Variants in GJC1 observed in about 807,000 individuals in gnomAD.
The protein encoded by GJC1 is gap junction protein gamma 1, also known as gap junction gamma-1 protein.
GJC1 carries 5 observed loss-of-function variants against 29.3 expected under a neutral mutation model. The observed-to-expected ratio is 0.17, with a 90% CI of 0.09 to 0.36. The LOEUF is 0.36. GJC1 is among the 10% of genes least tolerant of loss of function. GJC1 has a pLI of 1.00. For synonymous variants in GJC1, 177 were observed against 183.3 expected (o/e 0.97, Z 0.28); for missense variants, 310 against 496.2 (o/e 0.62, Z 3.56).
chr17:44,824,829 TA>T (rs913776517), intron 1 of GJC1, among the ~76,000 whole-genome samples: 4 of 124,312 alleles, frequency 3.2e-5, no homozygotes, highest in Non-Finnish European at 5.1e-5. Flanking sequence ...AAAAAAAAAT[TA>T]GTCAAGTGCA....
At chr17:44,809,416 G>C (rs2049947921) in intron 1 of GJC1, among the ~76,000 whole-genome samples, 1 of 152,062 alleles carries the variant, frequency 6.6e-6, no homozygotes, top group East Asian at 1.9e-4. Flanking sequence ...TTCCAACATA[G>C]AACTCCATGA....
chr17:44,804,408 G>C lies in GJC1; in HGVS notation c.*219C>G, dbSNP rs58726219. ...CTGGAAGACACAAATGTAAAGTTCT[G>C]CAACTGTATTATTGCTAAGAACATG... On this transcript the variant is annotated 3_prime_UTR_variant, in exon 3 of 3. Coordinates refer to ENST00000592524, the MANE Select transcript of GJC1 (RefSeq NM_005497.4). 1 of 506,528 alleles carries C rather than the reference G, an allele frequency of 2.0e-6. No individual in the cohort carries two copies. The highest frequency in any genetic ancestry group is 3.6e-5 in the Admixed American group (1 of 27,882). The allele number at this position is 506,528 out of a possible 1,614,324, so 31.4% of individuals were successfully genotyped here.
intron 1 of GJC1, among the ~76,000 whole-genome samples, chr17:44,816,436 TAG>T (rs1185479350): frequency 6.6e-6 from 1 of 152,186 alleles, no homozygotes; most frequent in African/African-American, 2.4e-5. Flanking sequence ...GAGTTTTCTA[TAG>T]GTTATATCCA....
In GJC1 at chr17:44,805,122, A is replaced by C. The variant is rs776349150; in HGVS notation, c.696T>G (p.Leu232=). Residue 232 remains leucine, a synonymous_variant, in exon 3 of 3, where the codon CTT becomes CTG. Coordinates refer to ENST00000592524, the MANE Select transcript of GJC1 (RefSeq NM_005497.4). The surrounding 1 kb of genome is among the most constrained non-coding windows in gnomAD (Gnocchi z 5.1). ...GGCCTGTAACACCATACATTATCAG[A>C]AGGAAGATGGTCTTTTCAGTGGGTC... ...ISRPTEKTIF[L]LIMYGVTGLC... is the part of the protein sequence containing the mutation. 2 of 1,614,138 alleles carry C rather than the reference A, an allele frequency of 1.2e-6. No homozygotes were observed. The highest frequency in any genetic ancestry group is 3.3e-5 in the Admixed American group (2 of 60,016).
In GJC1 at chr17:44,820,318, G is replaced by A. The variant is rs149301406; in HGVS notation, c.-97+9744C>T. Among the ~76,000 whole-genome samples the A allele has an allele frequency of 2.4e-3, 370 of 152,218 alleles. 1 individual carries two copies. The highest frequency in any genetic ancestry group is 8.2e-3 in the African/African-American group (341 of 41,548). On this transcript the variant is annotated intron_variant, in intron 1 of 2. Transcript: ENST00000592524. The stretch of plus-strand genomic sequence containing the variant: ...AACTAAGCAAGCAATGGACTAGAAG[G>A]CAAGAGATTCTAATCCCAGAATATA...
chr17:44,804,968 G>C lies in GJC1; in HGVS notation c.850C>G (p.Pro284Ala). Reference sequence around the variant, plus strand: ...ATGTTATAGCCAGGGGGAGCAGATGGTGTATTCCAAGTGAAAGGATAATTA... The same window carrying C: ...ATGTTATAGCCAGGGGGAGCAGATGCTGTATTCCAAGTGAAAGGATAATTA... The part of the protein sequence containing the change: ...AYNYPFTWNT[P>A]SAPPGYNIAV... Residue 284 changes from proline to alanine, a missense_variant, in exon 3 of 3, where the codon CCA becomes GCA. Around this residue, in one of 4 missense-constraint regions of GJC1, gnomAD observed 146 missense variants for 165.0 expected, o/e 0.88. Transcript: ENST00000592524. 1 of 1,614,050 alleles carries C rather than the reference G, an allele frequency of 6.2e-7. No homozygotes were observed. Among genetic ancestry groups the C allele is most frequent in the East Asian group, 2.2e-5 (1 of 44,880 alleles).
chr17:44,815,290 C>T (rs1244378517), intron 1 of GJC1, among the ~76,000 whole-genome samples: 2 of 152,122 alleles, frequency 1.3e-5, no homozygotes, highest in Non-Finnish European at 2.9e-5. Flanking sequence ...AGTGATTCTC[C>T]CACCTCAGCC....
At chr17:44,825,320 C>G (rs2050161859) in intron 1 of GJC1, among the ~76,000 whole-genome samples, 1 of 151,420 alleles carries the variant, frequency 6.6e-6, no homozygotes, top group South Asian at 2.1e-4. Flanking sequence ...ATGGAGAAAC[C>G]CTGTCTCTAC....
At chr17:44,830,534 T>G (rs1207521987), upstream of GJC1, 5 of 397,550 alleles carry the variant, frequency 1.3e-5, no homozygotes, top group East Asian at 1.8e-4. This position sits in a 1 kb window ranked among gnomAD's most constrained non-coding sequence, Gnocchi z 4.3. Flanking sequence ...CAGACTTCGC[T>G]CCGGACAGTT....
At chr17:44,828,652 CT>C (rs2050199846) in intron 1 of GJC1, among the ~76,000 whole-genome samples, 1 of 152,168 alleles carries the variant, frequency 6.6e-6, no homozygotes, top group African/African-American at 2.4e-5. Context: ...TTACACAGTA[CT>C]TAAGACATTC....
chr17:44,823,530 G>A (rs570743079), intron 1 of GJC1, among the ~76,000 whole-genome samples: 3 of 151,444 alleles, frequency 2.0e-5, no homozygotes, highest in Non-Finnish European at 4.4e-5. Flanking sequence ...GATTACAGGC[G>A]TGAGCCACCG....
rs1458660448 is a variant in GJC1 at position 44,824,860 on chromosome 17, A to G, written c.-97+5202T>C. On this transcript the variant is annotated intron_variant, in intron 1 of 2. Coordinates refer to ENST00000592524, the MANE Select transcript of GJC1 (RefSeq NM_005497.4). ...AGTGCAATAGTGAGAAGGGGGGGAA[A>G]GAAAGAGTCCAACTATTTTTTTTTT... Among the ~76,000 whole-genome samples the G allele has an allele frequency of 2.4e-5, 3 of 125,152 alleles. No homozygotes were observed. In the Admixed American group the frequency reaches 2.6e-4, roughly 11 times the overall value. 82.1% of individuals were successfully genotyped at this position (125,152 alleles called of 152,430 possible).
rs565335634 is a variant in GJC1, at chr17:44,800,738, A to T, written c.*3889T>A. 2.0e-5 allele frequency: 3 copies of T among 152,070 alleles called. No homozygotes were observed. Among genetic ancestry groups the T allele is most frequent in the East Asian group, 3.9e-4 (2 of 5,172 alleles). 9.4% of individuals were successfully genotyped at this position (152,070 alleles called of 1,614,324 possible). Reference sequence around the variant, plus strand: ...AGCATCACAGTCCAACTTTTTTTTTAAGCGCCAAGTTCAAACAAGTGACCA... The same window carrying T: ...AGCATCACAGTCCAACTTTTTTTTTTAGCGCCAAGTTCAAACAAGTGACCA... On this transcript the variant is annotated 3_prime_UTR_variant, in exon 3 of 3. Coordinates refer to ENST00000592524, the MANE Select transcript of GJC1 (RefSeq NM_005497.4).
chr17:44,814,671 G>A (rs1441917072), intron 1 of GJC1, among the ~76,000 whole-genome samples: 2 of 152,044 alleles, frequency 1.3e-5, no homozygotes, highest in African/African-American at 2.4e-5. Context: ...GGGCCGGAGC[G>A]ATGGCTCACG....
At chr17:44,821,635 T>C (rs1471833977) in intron 1 of GJC1, among the ~76,000 whole-genome samples, 3 of 134,358 alleles carry the variant, frequency 2.2e-5, no homozygotes, top group Admixed American at 9.0e-5. Flanking sequence ...AGGTGGAGGC[T>C]GCAGTGAGCC....
In GJC1 at chr17:44,824,683, G is replaced by A. The variant is rs147749288; in HGVS notation, c.-97+5379C>T. Among the ~76,000 whole-genome samples, 570 of 151,772 alleles carry A rather than the reference G, an allele frequency of 3.8e-3. 1 individual carries two copies. The highest frequency in any genetic ancestry group is 0.013 in the African/African-American group (547 of 41,370). On this transcript the variant is annotated intron_variant, in intron 1 of 2. Transcript: ENST00000592524. ...AAATTAGCCAGGCGTGGCAGCATGC[G>A]CCAGTAGTCCCAATTACTTGGGAGG...
Position 44,804,732 on chromosome 17 carries a change from A to G in GJC1, c.1086T>C (p.Pro362=), listed in dbSNP as rs2049891941. Residue 362 remains proline, a synonymous_variant, in exon 3 of 3, where the codon CCT becomes CCC. Coordinates refer to ENST00000592524, the MANE Select transcript of GJC1 (RefSeq NM_005497.4). ...TGGCCTTCTTCTCCCGGGGACCATG[A>G]GGGTTGTTTTGGTGACTGTAGGCCT... The part of the protein sequence containing the change: ...AVQAYSHQNN[P]HGPREKKAKV... 4.3e-6 allele frequency: 7 copies of G among 1,613,950 alleles called. No homozygotes were observed. Among genetic ancestry groups the G allele is most frequent in the Non-Finnish European group, 5.9e-6 (7 of 1,180,024 alleles).
rs2145283978 is a variant in GJC1 at position 44,800,195 on chromosome 17, C to G, written c.*4432G>C. The G allele has an allele frequency of 6.6e-6, 1 of 152,288 alleles. No individual in the cohort carries two copies. The highest frequency in any genetic ancestry group is 2.4e-5 in the African/African-American group (1 of 41,550). 9.4% of individuals were successfully genotyped at this position (152,288 alleles called of 1,614,324 possible). On this transcript the variant is annotated 3_prime_UTR_variant, in exon 3 of 3. Transcript: ENST00000592524. ...GCGCAATCTCGGCTCACTGCAACCT[C>G]TACCTCCTGGGATCAAGTGATTCTC...
downstream of GJC1, among the ~76,000 whole-genome samples, chr17:44,795,681 C>A (rs1442406029): frequency 6.6e-6 from 1 of 152,216 alleles, no homozygotes; most frequent in Non-Finnish European, 1.5e-5. Flanking sequence ...CTGTGGGGCT[C>A]TGACCCCAAG....
Sources: gnomAD v4.1 joint callset for allele counts (sites outside exome capture counted in the v4.1 genomes callset) on GRCh38, gnomAD v4.1.1 for gene constraint, gnomAD v4.1.1 regional missense constraint, Gnocchi (gnomAD v3.1) non-coding constraint, MANE v1.5 for transcripts, NCBI Gene and HGNC (gene_info 2026-07-23, HGNC 2026-07-21) for gene names.